The following RAG1 variants were observed in gnomAD, a reference collection of about 807,000 sequenced individuals.
RAG1 encodes recombination activating 1.
RAG1 carries 35 observed loss-of-function variants against 62.7 expected under a neutral mutation model. The ratio of observed to expected loss-of-function variants is 0.56; its 90% CI spans 0.43 to 0.74. The LOEUF is 0.74. Ranked by LOEUF, RAG1 falls within the 30% of genes least tolerant of loss-of-function variation. The probability of loss-of-function intolerance (pLI) is 0.00; values close to 1 mark genes in which losing one functional copy is unlikely to be tolerated. For missense variants in RAG1, 1,169 were observed against 1,278.6 expected, an observed-to-expected ratio of 0.91 and a Z score of 1.31; for synonymous variants, 461 against 470.3, an observed-to-expected ratio of 0.98 and a Z score of 0.26.
intron 3 of RAG1, among the ~76,000 whole-genome samples, chr11:36,558,784 G>A (rs1028914042): frequency 6.6e-6 from 1 of 152,112 alleles, no homozygotes; most frequent in Non-Finnish European, 1.5e-5. Context: ...TTATTGATAG[G>A]TGAGGACTTA....
chr11:36,576,452 A>C lies in RAG1; in HGVS notation c.*16A>C. 1.2e-6 allele frequency: 2 copies of C among 1,613,834 alleles called. No homozygotes were observed. The highest frequency in any genetic ancestry group is 1.7e-6 in the Non-Finnish European group (2 of 1,179,958). On this transcript the variant is annotated 3_prime_UTR_variant, in exon 2 of 2. Coordinates refer to ENST00000299440, the MANE Select transcript of RAG1 (RefSeq NM_000448.3). ...GGAATTTTAAGTAGGGCAACCACTT[A>C]TGAGTTGGTTTTTGCAATTGAGTTT...
Position 36,574,407 on chromosome 11 carries a change from G to T in RAG1, c.1103G>T (p.Ser368Ile). The T allele has an allele frequency of 6.2e-7, 1 of 1,614,210 alleles. No homozygotes were observed. The highest frequency in any genetic ancestry group is 8.5e-7 in the Non-Finnish European group (1 of 1,180,040). The change falls in exon 2 of 2, where the codon AGT becomes ATT. Residue 368 changes from serine to isoleucine, a missense_variant. Ser to Ile is a moderately radical substitution (Grantham distance 142). Around this residue, in one of 2 missense-constraint regions of RAG1, gnomAD observed 800 missense variants for 943.3 expected, o/e 0.85. Coordinates refer to ENST00000299440, the MANE Select transcript of RAG1 (RefSeq NM_000448.3). Reference protein sequence around the residue: ...CPAKECNEEVSLEKYNHHISS... With the variant: ...CPAKECNEEVILEKYNHHISS... ...GCAAAAGAGTGCAATGAGGAGGTCA[G>T]TTTGGAAAAATATAATCACCACATC...
chr11:36,541,166 G>T (rs988597391), intron 3 of RAG1, among the ~76,000 whole-genome samples: 1 of 152,136 alleles, frequency 6.6e-6, no homozygotes, highest in African/African-American at 2.4e-5. Context: ...GTAAACAATG[G>T]AGCTATATTA....
At position 36,561,446 on chromosome 11, in the gene RAG1, T is replaced by A. The variant is rs540413579; in HGVS notation, c.-411-1939T>A. ...TCTGCCCTACCAATTACTCCAGATTTGTTTATTAATTTTTTTTTGTGTCAA... is the reference window on the plus strand; with the variant it reads ...TCTGCCCTACCAATTACTCCAGATTAGTTTATTAATTTTTTTTTGTGTCAA... On this transcript the variant is annotated intron_variant and NMD_transcript_variant, in intron 3 of 9. Transcript: ENST00000534663. 2.0e-5 allele frequency among the ~76,000 whole-genome samples: 3 copies of A among 152,326 alleles called. No homozygotes were observed. The South Asian group carries it at 6.2e-4, about 32-fold the overall frequency.
chr11:36,516,153 GA>G (rs1292869964), intron 1 of RAG1, among the ~76,000 whole-genome samples: 10 of 152,180 alleles, frequency 6.6e-5, no homozygotes, highest in African/African-American at 2.4e-4. Context: ...TGCTTTCCTT[GA>G]GGGAAAAAAT....
At chr11:36,515,772 T>C (rs1859987508) in intron 1 of RAG1, among the ~76,000 whole-genome samples, 2 of 152,158 alleles carry the variant, frequency 1.3e-5, no homozygotes, top group Admixed American at 1.3e-4. Flanking sequence ...TTGTCAACTG[T>C]CCAGGCTAGA....
At chr11:36,546,264 A>T (rs921894205) in intron 3 of RAG1, among the ~76,000 whole-genome samples, 1 of 152,172 alleles carries the variant, frequency 6.6e-6, no homozygotes, top group African/African-American at 2.4e-5. Context: ...GTGCTCCTGT[A>T]TTGACTGCAT....
rs200182366 is a variant in RAG1, at chr11:36,573,922, C to G, written c.618C>G (p.Pro206=). ...FPRNVTMEWH[P]HTPSCDICNT... ...GGAACGTGACCATGGAGTGGCACCC[C>G]CACACACCATCCTGTGACATCTGCA... Residue 206 remains proline (P), a synonymous_variant, in exon 2 of 2, where the codon CCC becomes CCG. Transcript: ENST00000299440. 4 of 1,613,984 alleles carry G rather than the reference C, an allele frequency of 2.5e-6. No homozygotes were observed. The African/African-American group carries it at 5.3e-5, about 22-fold the overall frequency.
At chr11:36,541,201 C>T (rs147844960) in intron 3 of RAG1, among the ~76,000 whole-genome samples, 103 of 152,300 alleles carry the variant, frequency 6.8e-4, no homozygotes, top group Non-Finnish European at 1.1e-3. Flanking sequence ...CTGCAGCATT[C>T]GGTTCAATCC....
chr11:36,576,375 G>T lies in RAG1; in HGVS notation c.3071G>T (p.Ser1024Ile). 3 of 1,614,066 alleles carry T rather than the reference G, an allele frequency of 1.9e-6. No homozygotes were observed. Among genetic ancestry groups the T allele is most frequent in the Non-Finnish European group, 2.5e-6 (3 of 1,179,960 alleles). Residue 1024 changes from serine (S) to isoleucine (I), a missense_variant, in exon 2 of 2, where the codon AGC (serine) becomes ATC (isoleucine). Around this residue, in one of 2 missense-constraint regions of RAG1, gnomAD observed 800 missense variants for 943.3 expected, o/e 0.85. Coordinates refer to ENST00000299440, the MANE Select transcript of RAG1 (RefSeq NM_000448.3). ...GGGTTTACCATGAACCCTCAGGCAA[G>T]CTTAGGGGACCCATTAGGCATAGAG... ...TSGFTMNPQASLGDPLGIEDS... is the reference protein window; with the variant it reads ...TSGFTMNPQAILGDPLGIEDS...
chr11:36,562,653 T>C (rs1230058676), intron 3 of RAG1, among the ~76,000 whole-genome samples: 1 of 152,142 alleles, frequency 6.6e-6, no homozygotes, highest in African/African-American at 2.4e-5. Context: ...TCTTCCTCCT[T>C]GGGTGGGTGG....
Position 36,558,545 on chromosome 11 carries a change from G to A in RAG1, c.-411-4840G>A, listed in dbSNP as rs571468648. ...TGGTGCCATCTGTTTTTACAGTTTT[G>A]GATTTAAAAGTCTATTTTATCTAAT... On this transcript the variant is annotated intron_variant and NMD_transcript_variant, in intron 3 of 9. Coordinates refer to the RAG1 transcript ENST00000534663. Among the ~76,000 whole-genome samples the A allele has an allele frequency of 3.3e-5, 5 of 152,110 alleles. No homozygotes were observed. In the South Asian group the frequency reaches 1.0e-3, roughly 32 times the overall value.
chr11:36,575,246 A>G lies in RAG1; in HGVS notation c.1942A>G (p.Lys648Glu), dbSNP rs1850825078. 6.8e-6 allele frequency: 11 copies of G among 1,614,222 alleles called. No individual in the cohort carries two copies. Among genetic ancestry groups the G allele is most frequent in the Non-Finnish European group, 8.5e-6 (10 of 1,180,038 alleles). The change falls in exon 2 of 2, where the codon AAA (lysine) becomes GAA (glutamate). Residue 648 changes from lysine (K) to glutamate (E), a missense_variant. Physicochemically the swap from Lys to Glu is moderately conservative, Grantham distance 56. This residue lies in a region of RAG1 where 800 missense variants were observed against 943.3 expected (regional missense o/e 0.85). Coordinates refer to ENST00000299440, the MANE Select transcript of RAG1 (RefSeq NM_000448.3). The surrounding 1 kb of genome is among the most constrained non-coding windows in gnomAD (Gnocchi z 4.1). ...SQNVKVFEEA[K>E]PNSELCCKPL... ...GAATGTGAAAGTATTTGAAGAAGCC[A>G]AACCTAACTCTGAACTGTGTTGCAA... is the stretch of plus-strand genomic sequence containing the variant.
chr11:36,525,303 T>C (rs1860143242), intron 2 of RAG1, among the ~76,000 whole-genome samples: 2 of 152,220 alleles, frequency 1.3e-5, no homozygotes. Context: ...TTACTGTAGC[T>C]ATATAATAAG....
chr11:36,564,351 G>A (rs1850632003), upstream of RAG1, among the ~76,000 whole-genome samples: 1 of 152,088 alleles, frequency 6.6e-6, no homozygotes, highest in African/African-American at 2.4e-5. Flanking sequence ...CTAGTCTATA[G>A]GAATTATGGG....
At chr11:36,513,805 G>A (rs1016360664) in intron 1 of RAG1, among the ~76,000 whole-genome samples, 3 of 152,180 alleles carry the variant, frequency 2.0e-5, no homozygotes, top group East Asian at 1.9e-4. Context: ...CAGATCTTGT[G>A]AGACTTATTC....
At chr11:36,528,708 A>T (rs1317165762) in intron 2 of RAG1, among the ~76,000 whole-genome samples, 1 of 152,026 alleles carries the variant, frequency 6.6e-6, no homozygotes, top group Non-Finnish European at 1.5e-5. Context: ...TGAATCCAGG[A>T]GATGTTTTTT....
chr11:36,548,015 C>T lies in RAG1; in HGVS notation c.-412+11981C>T, dbSNP rs192498044. Among the ~76,000 whole-genome samples, 169 of 152,058 alleles carry T rather than the reference C, an allele frequency of 1.1e-3. 1 individual carries two copies. Among genetic ancestry groups the T allele is most frequent in the African/African-American group, 3.3e-3 (138 of 41,490 alleles). On this transcript the variant is annotated intron_variant and NMD_transcript_variant, in intron 3 of 9. Transcript: ENST00000534663. ...TAATCCCTCACATAAACAGAACCAA[C>T]GACAAAAACTACATGATTATATCAA... is the stretch of plus-strand genomic sequence containing the variant.
chr11:36,536,782 G>A (rs558657870), downstream of RAG1, among the ~76,000 whole-genome samples: 19 of 150,562 alleles, frequency 1.3e-4, no homozygotes, highest in South Asian at 2.1e-3. Flanking sequence ...TTTTTGAGAC[G>A]GAGTCTTGCT....
Sources: allele counts gnomAD v4.1 joint callset (sites outside exome capture counted in the v4.1 genomes callset), GRCh38; gene constraint gnomAD v4.1.1; regional missense constraint gnomAD v4.1.1; non-coding constraint Gnocchi (gnomAD v3.1); transcripts MANE v1.5; gene names NCBI Gene and HGNC (gene_info 2026-07-23, HGNC 2026-07-21).